The following B4GALT1 variants were observed in gnomAD, a reference collection of about 807,000 sequenced individuals.
B4GALT1 encodes the protein N-acetyllactosamine synthase.
B4GALT1 carries 16 observed loss-of-function variants against 34.9 expected under a neutral mutation model. That is an observed-to-expected ratio of 0.46 (90% CI 0.31 to 0.70). The LOEUF (loss-of-function observed/expected upper bound fraction) is 0.70. Ranked by LOEUF, B4GALT1 falls within the 30% of genes least tolerant of loss-of-function variation. B4GALT1 has a pLI of 0.05. For missense variants in B4GALT1, 445 were observed against 530.5 expected, an observed-to-expected ratio of 0.84 and a Z score of 1.58; for synonymous variants, 221 against 218.1, an observed-to-expected ratio of 1.01 and a Z score of -0.12.
the B4GALT1 span, among the ~76,000 whole-genome samples, chr9:33,177,664 CA>C: frequency 8.4e-4 from 128 of 151,888 alleles, no homozygotes; most frequent in African/African-American, 3.0e-3. Flanking sequence ...AACAAACAAA[CA>C]AAAAAAACTA....
At chr9:33,163,859 A>C (rs1316726671) in intron 1 of B4GALT1, among the ~76,000 whole-genome samples, 3 of 152,166 alleles carry the variant, frequency 2.0e-5, no homozygotes, top group African/African-American at 7.2e-5. Flanking sequence ...TCCCTGGAGA[A>C]AGCTGTAGAA....
intron 2 of B4GALT1, among the ~76,000 whole-genome samples, chr9:33,125,491 G>C (rs1289148208): frequency 6.6e-6 from 1 of 152,186 alleles, no homozygotes; most frequent in African/African-American, 2.4e-5. Context: ...TGAAGGCAAG[G>C]AGACCAGTTA....
intron 1 of B4GALT1, among the ~76,000 whole-genome samples, chr9:33,149,366 C>T (rs142603717): frequency 6.6e-6 from 1 of 151,892 alleles, no homozygotes; most frequent in Non-Finnish European, 1.5e-5. Flanking sequence ...CTGCAACCTC[C>T]GCCTCCCAGG....
chr9:33,117,152 C>G (rs533862289), intron 3 of B4GALT1, among the ~76,000 whole-genome samples: 6 of 152,282 alleles, frequency 3.9e-5, no homozygotes, highest in East Asian at 1.9e-4. Flanking sequence ...TCACAGCCCC[C>G]CTTCCACACC....
At chr9:33,116,294 C>T (rs1000997217) in intron 3 of B4GALT1, among the ~76,000 whole-genome samples, 181 bp from the exon 4 acceptor site, 7 of 151,770 alleles carry the variant, frequency 4.6e-5, no homozygotes, top group Non-Finnish European at 7.4e-5. Flanking sequence ...TGCAGGGGCG[C>T]GATCTAGGCT....
downstream of B4GALT1, among the ~76,000 whole-genome samples, chr9:33,108,432 T>C (rs1485625003): frequency 1.4e-5 from 2 of 140,586 alleles, no homozygotes; most frequent in African/African-American, 5.4e-5. Flanking sequence ...GGTCAACATA[T>C]TGAAACTCTG....
chr9:33,110,216 C>T (rs1242171139), downstream of B4GALT1, among the ~76,000 whole-genome samples: 1 of 152,258 alleles, frequency 6.6e-6, no homozygotes, highest in Admixed American at 6.5e-5. Context: ...GGTTACATTT[C>T]CTGAGACTGA....
chr9:33,184,886 C>A, the B4GALT1 span, among the ~76,000 whole-genome samples: 1 of 152,152 alleles, frequency 6.6e-6, no homozygotes, highest in African/African-American at 2.4e-5. Context: ...AAGCCAACCA[C>A]CAGGGAGCCA....
intron 1 of B4GALT1, among the ~76,000 whole-genome samples, chr9:33,148,804 T>TGAA (rs1840465445): frequency 7.8e-6 from 1 of 127,742 alleles, no homozygotes; most frequent in East Asian, 2.2e-4. Context: ...TGCCTAAAAG[T>TGAA]AAAAAAAAAA....
In B4GALT1 at chr9:33,111,250, C is replaced by CA. The variant is rs751351046; in HGVS notation, c.*2203dup. ...TACTTGACATGAATGAGAAGGTAAC[C>CA]AAAAAAAAAAAAAAAAAAAAAAAAA... On this transcript the variant is annotated 3_prime_UTR_variant, in exon 6 of 6. Transcript: ENST00000379731. 343 of 48,852 alleles carry CA rather than the reference C, an allele frequency of 7.0e-3. 29 individuals carry two copies. Among genetic ancestry groups the CA allele is most frequent in the Non-Finnish European group, 9.1e-3 (285 of 31,258 alleles). 3.0% of individuals were successfully genotyped at this position (48,852 alleles called of 1,614,324 possible). A position where few individuals can be genotyped will look rare whatever the true frequency, so the allele number is the denominator to read the frequency against.
At chr9:33,164,118 T>TA (rs1840714756) in intron 1 of B4GALT1, among the ~76,000 whole-genome samples, 3 of 152,164 alleles carry the variant, frequency 2.0e-5, no homozygotes, top group Non-Finnish European at 4.4e-5. Flanking sequence ...AACCCACACC[T>TA]GTCAGCTGAG....
chr9:33,181,423 TAC>T, the B4GALT1 span, among the ~76,000 whole-genome samples: 1,209 of 137,122 alleles, frequency 8.8e-3, 10 homozygotes, highest in Non-Finnish European at 0.01. Context: ...GACCCTGTCT[TAC>T]ACACACACAC....
intron 1 of B4GALT1, among the ~76,000 whole-genome samples, chr9:33,148,748 G>C (rs1220826295): frequency 6.6e-6 from 1 of 151,032 alleles, no homozygotes; most frequent in Non-Finnish European, 1.5e-5. Flanking sequence ...ACTGACTCTA[G>C]GGCTGAGTTG....
intron 2 of B4GALT1, among the ~76,000 whole-genome samples, chr9:33,131,992 G>GA (rs1840199539): frequency 1.3e-5 from 2 of 152,070 alleles, no homozygotes; most frequent in Admixed American, 6.5e-5. Context: ...TGATCAATTA[G>GA]GGTGAGATTG....
intron 1 of B4GALT1, among the ~76,000 whole-genome samples, chr9:33,162,501 A>G (rs1840689011): frequency 6.6e-6 from 1 of 152,180 alleles, no homozygotes; most frequent in Non-Finnish European, 1.5e-5. Context: ...GCCGTCACGG[A>G]TATCCATACA....
At chr9:33,104,826 T>C (rs1839782535) in intron 2 of B4GALT1, 1 of 419,588 alleles carries the variant, frequency 2.4e-6, no homozygotes, top group Non-Finnish European at 4.7e-6. Flanking sequence ...TTTTACCTTT[T>C]TTTTTTTTTT....
chr9:33,162,799 A>C (rs374831085), intron 1 of B4GALT1, among the ~76,000 whole-genome samples: 1 of 152,202 alleles, frequency 6.6e-6, no homozygotes, highest in South Asian at 2.1e-4. Flanking sequence ...GTGTTTGCTC[A>C]AAGTCTGGAA....
At chr9:33,106,527 A>G (rs1428376724), downstream of B4GALT1, among the ~76,000 whole-genome samples, 1 of 152,160 alleles carries the variant, frequency 6.6e-6, no homozygotes, top group African/African-American at 2.4e-5. Flanking sequence ...GGAAGGATGG[A>G]GACAAAGAAG....
chr9:33,149,292 T>C (rs1474772049), intron 1 of B4GALT1, among the ~76,000 whole-genome samples: 3 of 151,902 alleles, frequency 2.0e-5, no homozygotes, highest in Admixed American at 6.6e-5. Context: ...ATTTACTTTT[T>C]TTTTTTGAGA....
Sources: gnomAD v4.1 joint callset for allele counts (sites outside exome capture counted in the v4.1 genomes callset) on GRCh38, gnomAD v4.1.1 for gene constraint, MANE v1.5 for transcripts, NCBI Gene and HGNC (gene_info 2026-07-23, HGNC 2026-07-21) for gene names.